The following GBP7 variants were observed in gnomAD, a reference collection of about 807,000 sequenced individuals.
GBP7 encodes the protein guanylate binding protein 7, also known as guanylate-binding protein 7.
A neutral mutation model predicts 61.3 loss-of-function variants in GBP7; 43 were observed. That is an observed-to-expected ratio of 0.70 (90% CI 0.55 to 0.91). GBP7 has a LOEUF of 0.91. GBP7 is among the 40% of genes least tolerant of loss of function. The probability of loss-of-function intolerance (pLI) is 0.00; values close to 1 mark genes in which losing one functional copy is unlikely to be tolerated. For synonymous variants in GBP7, 267 were observed against 271.0 expected, an observed-to-expected ratio of 0.99 and a Z score of 0.14; for missense variants, 717 against 740.5, an observed-to-expected ratio of 0.97 and a Z score of 0.37.
At position 89,149,350 on chromosome 1, in the gene GBP7, G is replaced by A; in HGVS notation, c.1094C>T (p.Ala365Val). The A allele has an allele frequency of 6.2e-7, 1 of 1,614,042 alleles. No homozygotes were observed. The highest frequency in any genetic ancestry group is 8.5e-7 in the Non-Finnish European group (1 of 1,179,938). ...TTTGAAGGAGTACTCCATGAAGACT[G>A]CAATGGCTTCCCTCTCACAAACTGC... ...VHAVCEREAI[A>V]VFMEYSFKDK... The change falls in exon 7 of 11, where the codon GCA becomes GTA. Residue 365 changes from alanine (A) to valine (V), a missense_variant. By Grantham distance (64) the Ala-to-Val change is moderately conservative (BLOSUM62 0). Transcript: ENST00000294671.
chr1:89,174,821 A>G (rs1209827608), intron 1 of GBP7, among the ~76,000 whole-genome samples: 1 of 152,086 alleles, frequency 6.6e-6, no homozygotes, highest in Non-Finnish European at 1.5e-5. Context: ...ATTCTTTATT[A>G]CCTCCATGTA....
At chr1:89,168,819 G>A (rs761383293) in intron 2 of GBP7, among the ~76,000 whole-genome samples, 1 of 150,418 alleles carries the variant, frequency 6.6e-6, no homozygotes, top group African/African-American at 2.5e-5. Context: ...AACAAAAAAC[G>A]GTAGCCAGGC....
intron 7 of GBP7, 70 bp from the exon 8 acceptor site, chr1:89,147,849 T>C (rs890337952): frequency 1.8e-4 from 275 of 1,504,528 alleles, no homozygotes; most frequent in Admixed American, 3.4e-5. Flanking sequence ...TGTGATCCTC[T>C]TGGAAGAAGT....
chr1:89,152,187 T>C (rs1489150809), intron 5 of GBP7, 81 bp downstream of exon 5: 2 of 1,205,200 alleles, frequency 1.7e-6, no homozygotes, highest in African/African-American at 3.0e-5. Context: ...ATATAAAAAT[T>C]TGTGTCAGGT....
intron 2 of GBP7, among the ~76,000 whole-genome samples, chr1:89,170,513 C>T (rs1471147792): frequency 6.6e-6 from 1 of 152,188 alleles, no homozygotes; most frequent in Non-Finnish European, 1.5e-5. Context: ...GAAAATGACT[C>T]CCAGTCACCA....
At chr1:89,146,277 C>A (rs1682062425) in intron 8 of GBP7, among the ~76,000 whole-genome samples, 1 of 152,104 alleles carries the variant, frequency 6.6e-6, no homozygotes, top group Non-Finnish European at 1.5e-5. Flanking sequence ...CAAATGTCAA[C>A]TAAAAATTGG....
intron 8 of GBP7, among the ~76,000 whole-genome samples, chr1:89,145,822 A>G (rs1682049453): frequency 6.6e-6 from 1 of 152,198 alleles, no homozygotes; most frequent in Admixed American, 6.5e-5. Context: ...ACTGAAGAAG[A>G]CATAAAATAA....
chr1:89,134,560 G>C lies in GBP7; in HGVS notation c.1469-1109C>G, dbSNP rs375517741. On this transcript the variant is annotated intron_variant, in intron 9 of 10. Coordinates refer to ENST00000294671, the MANE Select transcript of GBP7 (RefSeq NM_207398.3). ...CAGCCTACTAAGGTTCAAGCCCCCA[G>C]CTCAGGAGTGCTGATCTGAGCCTTG... 3.7e-4 allele frequency among the ~76,000 whole-genome samples: 56 copies of C among 149,978 alleles called. 6 individuals are homozygous for C. The highest frequency in any genetic ancestry group is 9.3e-4 in the Admixed American group (14 of 15,010).
At chr1:89,172,862 C>T (rs1343553717) in intron 1 of GBP7, among the ~76,000 whole-genome samples, 1 of 151,454 alleles carries the variant, frequency 6.6e-6, no homozygotes, top group Non-Finnish European at 1.5e-5. Context: ...TCTATATTAA[C>T]TGGAGTTCTA....
intron 9 of GBP7, among the ~76,000 whole-genome samples, chr1:89,137,711 G>A (rs140078914): frequency 6.6e-6 from 1 of 152,074 alleles, no homozygotes; most frequent in Admixed American, 6.5e-5. Flanking sequence ...ATGTGAAAAA[G>A]CTGGAAACAT....
chr1:89,168,992 CA>C (rs1197979434), intron 2 of GBP7, among the ~76,000 whole-genome samples: 10 of 145,332 alleles, frequency 6.9e-5, no homozygotes, highest in Non-Finnish European at 1.5e-5. Flanking sequence ...AAACAAAAAA[CA>C]AAAAAACTCC....
chr1:89,152,232 A>T, intron 5 of GBP7, 36 bp downstream of exon 5: 1 of 1,594,366 alleles, frequency 6.3e-7, no homozygotes, highest in Non-Finnish European at 8.6e-7. Flanking sequence ...CCCACCCGCT[A>T]CTGAACCTTC....
chr1:89,163,127 G>A (rs1317419134), intron 3 of GBP7, among the ~76,000 whole-genome samples: 1 of 152,122 alleles, frequency 6.6e-6, no homozygotes, highest in Admixed American at 6.5e-5. Flanking sequence ...TGATCATGGT[G>A]GATAAGCTTT....
Position 89,147,749 on chromosome 1 carries a change from C to T in GBP7, c.1183G>A (p.Val395Met). The T allele has an allele frequency of 6.2e-7, 1 of 1,614,154 alleles. No homozygotes were observed. The highest frequency in any genetic ancestry group is 1.1e-5 in the South Asian group (1 of 91,086). ...GCAGATGCCTCTTCATTCTGCAGCA[C>T]AAAGTCTTCCTTCTTTTTCTCCATG... The part of the protein sequence containing the change: ...DTMEKKKEDF[V>M]LQNEEASAKY... Residue 395 changes from valine (V) to methionine (M), a missense_variant, in exon 8 of 11, where the codon GTG (valine) becomes ATG (methionine). Transcript: ENST00000294671.
Position 89,155,228 on chromosome 1 carries a change from T to A in GBP7, c.319-2451A>T, listed in dbSNP as rs376710449. On this transcript the variant is annotated intron_variant, in intron 3 of 10. Transcript: ENST00000294671. Reference sequence around the variant, plus strand: ...CACCATTGCAAAGACCAAAGGTAGATAAAACCACAAAGATGGGGAGAAACC... The same window carrying A: ...CACCATTGCAAAGACCAAAGGTAGAAAAAACCACAAAGATGGGGAGAAACC... Among the ~76,000 whole-genome samples, 56 of 152,238 alleles carry A rather than the reference T, an allele frequency of 3.7e-4. 6 individuals carry two copies. Among genetic ancestry groups the A allele is most frequent in the Admixed American group, 9.2e-4 (14 of 15,298 alleles).
intron 3 of GBP7, among the ~76,000 whole-genome samples, chr1:89,156,720 AC>A (rs1214490702): frequency 2.0e-5 from 3 of 152,200 alleles, no homozygotes; most frequent in African/African-American, 7.2e-5. Context: ...GTCCTTAGAG[AC>A]CTACAAAGAG....
chr1:89,168,458 T>C (rs1647503167), intron 2 of GBP7, among the ~76,000 whole-genome samples: 1 of 152,128 alleles, frequency 6.6e-6, no homozygotes, highest in East Asian at 1.9e-4. Context: ...TTTCCACCCA[T>C]GCTGACTAGT....
intron 3 of GBP7, among the ~76,000 whole-genome samples, chr1:89,163,165 T>G (rs1570359442): frequency 6.6e-6 from 1 of 152,118 alleles, no homozygotes; most frequent in Non-Finnish European, 1.5e-5. Flanking sequence ...TTAGTTTGCC[T>G]GTATTTTGTT....
chr1:89,146,761 G>A (rs1570347177), intron 8 of GBP7, among the ~76,000 whole-genome samples: 1 of 152,140 alleles, frequency 6.6e-6, no homozygotes, highest in East Asian at 1.9e-4. Flanking sequence ...CACACAGAAT[G>A]ATGATTATCA....
Sources: allele counts gnomAD v4.1 joint callset (sites outside exome capture counted in the v4.1 genomes callset), GRCh38; gene constraint gnomAD v4.1.1; transcripts MANE v1.5; gene names NCBI Gene and HGNC (gene_info 2026-07-23, HGNC 2026-07-21).